NDFIP1: variants seen among roughly 807,000 people sequenced by gnomAD.
NDFIP1 encodes Nedd4 family interacting protein 1, also known as NEDD4 family-interacting protein 1.
Under a neutral mutation model 28.8 loss-of-function variants are expected in NDFIP1, and 7 were observed. The ratio of observed to expected loss-of-function variants is 0.24; its 90% CI spans 0.14 to 0.46. The LOEUF is 0.46. Among genes scored for constraint, NDFIP1 ranks in the 20% least tolerant of loss-of-function variants. The pLI, the probability that NDFIP1 is intolerant of heterozygous loss-of-function variation, is 0.99. For missense variants in NDFIP1, 194 were observed against 269.1 expected (o/e 0.72, Z 1.95); for synonymous variants, 92 against 101.0 (o/e 0.91, Z 0.53).
At chr5:142,126,004 C>T (rs1481153043) in intron 1 of NDFIP1, among the ~76,000 whole-genome samples, 1 of 152,084 alleles carries the variant, frequency 6.6e-6, no homozygotes, top group Non-Finnish European at 1.5e-5. Flanking sequence ...TTTAAAATAT[C>T]TTCCCCTAAT....
intron 2 of NDFIP1, 85 bp from the exon 3 acceptor site, chr5:142,132,127 G>A: frequency 6.7e-7 from 1 of 1,488,316 alleles, no homozygotes; most frequent in South Asian, 1.3e-5. Context: ...GGGAATGGCT[G>A]GGTTTTGTCT....
At chr5:142,124,879 G>A (rs1233214380) in intron 1 of NDFIP1, among the ~76,000 whole-genome samples, 9 of 151,846 alleles carry the variant, frequency 5.9e-5, no homozygotes, top group Admixed American at 3.3e-4. Flanking sequence ...AGGCGGGAGT[G>A]CAGTGGCGCA....
intron 1 of NDFIP1, among the ~76,000 whole-genome samples, chr5:142,125,568 C>CA (rs1757162451): frequency 6.6e-6 from 1 of 152,104 alleles, no homozygotes; most frequent in South Asian, 2.1e-4. Flanking sequence ...CTGTGTTGCC[C>CA]AGGCTGGTCT....
chr5:142,124,696 G>A (rs916792615), intron 1 of NDFIP1, among the ~76,000 whole-genome samples: 1 of 152,160 alleles, frequency 6.6e-6, no homozygotes, highest in African/African-American at 2.4e-5. Flanking sequence ...ATTTTTAAAT[G>A]TGTTTTCATT....
intron 6 of NDFIP1, chr5:142,143,679 G>A (rs1287139728): frequency 1.3e-5 from 2 of 152,152 alleles, no homozygotes; most frequent in African/African-American, 2.4e-5. Context: ...AGATTCTGGT[G>A]TAGTCACACA....
intron 1 of NDFIP1, among the ~76,000 whole-genome samples, chr5:142,110,552 C>T (rs538658034): frequency 6.6e-6 from 1 of 152,128 alleles, no homozygotes; most frequent in South Asian, 2.1e-4. Context: ...GTATCAAAAT[C>T]ATGTATTCCT....
intron 7 of NDFIP1, among the ~76,000 whole-genome samples, chr5:142,150,149 C>G (rs894429769): frequency 8.8e-5 from 13 of 147,928 alleles, no homozygotes; most frequent in African/African-American, 3.3e-4. Context: ...CCACTGCACT[C>G]CAGCCTGGGT....
intron 5 of NDFIP1, among the ~76,000 whole-genome samples, chr5:142,139,219 C>CAAA (rs11384111): frequency 9.1e-6 from 1 of 109,322 alleles, no homozygotes; most frequent in Non-Finnish European, 2.0e-5. Context: ...GACTCCTTCT[C>CAAA]AAAAAAAAAA....
intron 1 of NDFIP1, among the ~76,000 whole-genome samples, chr5:142,121,516 AAGTT>A (rs1454113759): frequency 6.6e-6 from 1 of 152,130 alleles, no homozygotes; most frequent in Non-Finnish European, 1.5e-5. Flanking sequence ...TCTTTTTTGA[AAGTT>A]TGTTTGTTTC....
intron 1 of NDFIP1, among the ~76,000 whole-genome samples, chr5:142,110,360 TTAAC>T (rs751624130): frequency 6.6e-6 from 1 of 152,174 alleles, no homozygotes; most frequent in Admixed American, 6.5e-5. Context: ...CAGATGCCAC[TTAAC>T]TGTCACCACA....
At chr5:142,112,779 C>T (rs1353011977) in intron 1 of NDFIP1, among the ~76,000 whole-genome samples, 1 of 141,830 alleles carries the variant, frequency 7.1e-6, no homozygotes, top group African/African-American at 2.6e-5. Context: ...AAGTGAGACT[C>T]TGTCCAAAAA....
intron 6 of NDFIP1, among the ~76,000 whole-genome samples, chr5:142,141,058 A>C (rs1233234959): frequency 6.6e-6 from 1 of 152,110 alleles, no homozygotes; most frequent in Non-Finnish European, 1.5e-5. Context: ...GAAAACAGAA[A>C]ATATGTAACC....
chr5:142,114,070 A>G (rs1452817776), intron 1 of NDFIP1, among the ~76,000 whole-genome samples: 1 of 152,216 alleles, frequency 6.6e-6, no homozygotes, highest in Non-Finnish European at 1.5e-5. Flanking sequence ...GGATATACCC[A>G]GAAATGGAAT....
chr5:142,137,987 G>A, intron 5 of NDFIP1, 129 bp downstream of exon 5: 1 of 1,225,708 alleles, frequency 8.2e-7, no homozygotes. Context: ...GTTTGTCTGT[G>A]GTTTCATGAT....
In NDFIP1 at chr5:142,108,871, C is replaced by T; in HGVS notation, c.-104C>T. ...AGCGGCGGCGGCCATCGAGACCCAC[C>T]CAAGGCGCGTCCCCCTCGGCCTCCC... On this transcript the variant is annotated 5_prime_UTR_variant, in exon 1 of 8. Transcript: ENST00000253814. The T allele has an allele frequency of 9.4e-7, 1 of 1,065,050 alleles. No individual in the cohort carries two copies. Among genetic ancestry groups the T allele is most frequent in the Non-Finnish European group, 1.2e-6 (1 of 809,642 alleles). 66.0% of individuals were successfully genotyped at this position (1,065,050 alleles called of 1,614,324 possible). A position where few individuals can be genotyped will look rare whatever the true frequency, so the allele number is the denominator to read the frequency against.
chr5:142,130,297 C>T (rs763127713), intron 1 of NDFIP1, among the ~76,000 whole-genome samples: 5 of 152,132 alleles, frequency 3.3e-5, no homozygotes. Flanking sequence ...ACAGCAGACA[C>T]TTTCAGTGCG....
intron 5 of NDFIP1, 47 bp downstream of exon 5, chr5:142,137,905 C>A: frequency 6.5e-7 from 1 of 1,546,074 alleles, no homozygotes; most frequent in Non-Finnish European, 8.7e-7. Context: ...AGGCAATAAT[C>A]AGAATATTTT....
intron 1 of NDFIP1, among the ~76,000 whole-genome samples, chr5:142,118,336 T>TA (rs1757090350): frequency 1.3e-5 from 2 of 152,180 alleles, no homozygotes; most frequent in South Asian, 4.1e-4. Flanking sequence ...TTCTCAAACT[T>TA]TCCTTGTTTT....
intron 1 of NDFIP1, among the ~76,000 whole-genome samples, chr5:142,110,105 G>A (rs1328131691): frequency 5.9e-5 from 1 of 16,922 alleles, no homozygotes; most frequent in Admixed American, 6.4e-4. Flanking sequence ...ACCCTGGTGC[G>A]GCCGGCCGGT....
Sources: gnomAD v4.1 joint callset for allele counts (sites outside exome capture counted in the v4.1 genomes callset) on GRCh38, gnomAD v4.1.1 for gene constraint, MANE v1.5 for transcripts, NCBI Gene and HGNC (gene_info 2026-07-23, HGNC 2026-07-21) for gene names.